KCNT2: variants seen among roughly 807,000 people sequenced by gnomAD.
The protein encoded by KCNT2 is potassium channel subfamily T member 2.
In KCNT2, 67 loss-of-function variants were observed where a neutral mutation model predicts 153.8. The observed-to-expected ratio is 0.44, with a 90% CI of 0.36 to 0.53. The LOEUF is 0.53. Among genes scored for constraint, KCNT2 ranks in the 20% least tolerant of loss-of-function variants. KCNT2 has a pLI of 0.00. For synonymous variants in KCNT2, 500 were observed against 458.8 expected (o/e 1.09, Z -1.15); for missense variants, 975 against 1,354.8 (o/e 0.72, Z 4.40).
chr1:196,384,430 G>A (rs1572248816), intron 13 of KCNT2, among the ~76,000 whole-genome samples: 2 of 152,050 alleles, frequency 1.3e-5, no homozygotes, highest in African/African-American at 4.8e-5. Flanking sequence ...ATAATCTCAC[G>A]CCTGTAATCT....
At chr1:196,548,697 C>T (rs186647589) in intron 1 of KCNT2, among the ~76,000 whole-genome samples, 10 of 151,582 alleles carry the variant, frequency 6.6e-5, no homozygotes, top group African/African-American at 2.4e-4. Flanking sequence ...TATAAAGACA[C>T]ATGCACACGT....
At chr1:196,439,137 T>A (rs559796278) in intron 8 of KCNT2, among the ~76,000 whole-genome samples, 3 of 152,066 alleles carry the variant, frequency 2.0e-5, no homozygotes, top group African/African-American at 7.2e-5. Context: ...CTAATTCACA[T>A]AGTAATTTCT....
intron 8 of KCNT2, among the ~76,000 whole-genome samples, chr1:196,452,088 T>C (rs1435888413): frequency 1.3e-5 from 2 of 152,014 alleles, no homozygotes; most frequent in Non-Finnish European, 2.9e-5. Flanking sequence ...AAGAGATCCC[T>C]CTATAACTTC....
chr1:196,279,791 T>C (rs1354353029), intron 25 of KCNT2, among the ~76,000 whole-genome samples: 1 of 151,974 alleles, frequency 6.6e-6, no homozygotes, highest in African/African-American at 2.4e-5. Context: ...TCAGAAAAAC[T>C]AACCTATTTT....
intron 12 of KCNT2, chr1:196,404,039 C>A (rs1418537386): frequency 2.9e-6 from 1 of 347,172 alleles, no homozygotes; most frequent in Middle Eastern, 1.5e-3. Context: ...ATTCTTATCC[C>A]AAACTGAACT....
chr1:196,257,815 A>T (rs775606042), intron 26 of KCNT2: 1 of 985,034 alleles, frequency 1.0e-6, no homozygotes, highest in Non-Finnish European at 1.2e-6. Flanking sequence ...ACAATCAGTT[A>T]CTTGTCAATG....
chr1:196,410,656 AGTC>A (rs1672218305), intron 12 of KCNT2, among the ~76,000 whole-genome samples: 1 of 151,160 alleles, frequency 6.6e-6, no homozygotes, highest in Admixed American at 6.6e-5. Flanking sequence ...CATTAGTAGT[AGTC>A]GCTAACTTTC....
At chr1:196,317,616 T>C (rs1320933637) in intron 20 of KCNT2, among the ~76,000 whole-genome samples, 7 of 151,692 alleles carry the variant, frequency 4.6e-5, no homozygotes, top group Non-Finnish European at 1.0e-4. Flanking sequence ...ATTACCTATA[T>C]AGGAAAAGGA....
At chr1:196,269,909 G>T (rs936982543) in intron 25 of KCNT2, among the ~76,000 whole-genome samples, 1 of 151,996 alleles carries the variant, frequency 6.6e-6, no homozygotes, top group Non-Finnish European at 1.5e-5. Context: ...TAACTTTTGA[G>T]TTGTGGTGTT....
At chr1:196,535,286 G>A (rs1655411919) in intron 1 of KCNT2, among the ~76,000 whole-genome samples, 1 of 152,094 alleles carries the variant, frequency 6.6e-6, no homozygotes, top group Non-Finnish European at 1.5e-5. Flanking sequence ...TGGCTTTATT[G>A]TTAAAATGTC....
chr1:196,251,740 TAA>T (rs1224650701), intron 26 of KCNT2, among the ~76,000 whole-genome samples: 7 of 151,904 alleles, frequency 4.6e-5, no homozygotes. Context: ...TAAAAATAAC[TAA>T]AAGAGTTTAA....
chr1:196,565,109 A>C (rs911217300), intron 1 of KCNT2, among the ~76,000 whole-genome samples: 1 of 151,690 alleles, frequency 6.6e-6, no homozygotes, highest in African/African-American at 2.4e-5. Context: ...AAAAAAAAAC[A>C]AATCAATAGC....
intron 8 of KCNT2, among the ~76,000 whole-genome samples, chr1:196,449,660 T>C (rs1447088573): frequency 1.3e-5 from 2 of 151,546 alleles, no homozygotes; most frequent in Non-Finnish European, 3.0e-5. Flanking sequence ...TTTCATCATA[T>C]ATGATGAAAT....
rs187274377 is a variant in KCNT2 at position 196,482,971 on chromosome 1, A to G, written c.276-592T>C. 3.3e-5 allele frequency among the ~76,000 whole-genome samples: 5 copies of G among 152,272 alleles called. No homozygotes were observed. The East Asian group carries it at 9.6e-4, about 29-fold the overall frequency. On this transcript the variant is annotated intron_variant, in intron 3 of 27. Coordinates refer to ENST00000294725, the MANE Select transcript of KCNT2 (RefSeq NM_198503.5). ...AGGCTTATGCTCTGGAAAGAACATC[A>G]TAACACTTATTATCCCTCTAATTCT...
chr1:196,456,449 CATT>C (rs1333250464), intron 8 of KCNT2, among the ~76,000 whole-genome samples: 1 of 151,830 alleles, frequency 6.6e-6, no homozygotes, highest in Non-Finnish European at 1.5e-5. Context: ...TTTGTGCTAC[CATT>C]ATATTTTACT....
chr1:196,229,540 A>C (rs1309643574), intron 27 of KCNT2, among the ~76,000 whole-genome samples: 1 of 152,122 alleles, frequency 6.6e-6, no homozygotes, highest in Non-Finnish European at 1.5e-5. Flanking sequence ...AAGTGAAAGG[A>C]AGAGTATCAT....
chr1:196,342,283 T>C, intron 14 of KCNT2, 55 bp from the exon 15 acceptor site: 1 of 1,507,720 alleles, frequency 6.6e-7, no homozygotes, highest in Admixed American at 1.9e-5. Flanking sequence ...ACAGTGAATG[T>C]GGTTAAAAAA....
At chr1:196,494,385 T>G (rs767939350) in intron 1 of KCNT2, among the ~76,000 whole-genome samples, 8 of 152,146 alleles carry the variant, frequency 5.3e-5, no homozygotes, top group Admixed American at 2.0e-4. Context: ...GTACTGGGTA[T>G]GTAACAGAGG....
chr1:196,406,755 G>A (rs1449014293), intron 12 of KCNT2, among the ~76,000 whole-genome samples: 1 of 151,278 alleles, frequency 6.6e-6, no homozygotes, highest in African/African-American at 2.4e-5. Flanking sequence ...TCTAGTTTTA[G>A]GAAAAAAAGT....
Sources: allele counts gnomAD v4.1 joint callset (sites outside exome capture counted in the v4.1 genomes callset), GRCh38; gene constraint gnomAD v4.1.1; transcripts MANE v1.5; gene names NCBI Gene and HGNC (gene_info 2026-07-23, HGNC 2026-07-21).